The following ANK1 variants were observed in gnomAD, a reference collection of about 807,000 sequenced individuals.
The protein encoded by ANK1 is ankyrin 1, also known as ankyrin-1.
In ANK1, 51 loss-of-function variants were observed where a neutral mutation model predicts 210.4. That is an observed-to-expected ratio of 0.24 (90% CI 0.19 to 0.31). The LOEUF is 0.31. Among genes scored for constraint, ANK1 ranks in the 10% least tolerant of loss-of-function variants. The probability of loss-of-function intolerance (pLI) is 1.00; values close to 1 mark genes in which losing one functional copy is unlikely to be tolerated. For missense variants in ANK1, 2,051 were observed against 2,504.4 expected, an observed-to-expected ratio of 0.82 and a Z score of 3.86; for synonymous variants, 967 against 1,025.9, an observed-to-expected ratio of 0.94 and a Z score of 1.10.
At chr8:41,801,667 A>G (rs1345346757), upstream of ANK1, among the ~76,000 whole-genome samples, 1 of 152,142 alleles carries the variant, frequency 6.6e-6, no homozygotes, top group African/African-American at 2.4e-5. Context: ...TTCCTCTTCT[A>G]TGAAATTACT....
rs1348683618 is a variant in ANK1, at chr8:41,694,880, C to T, written c.3116-77G>A. ...GGACTTCCAGGGGCCCCAGAGTCTCCTTGTCCCCAAGACCCAGTGCACACA... is the reference window on the plus strand; with the variant it reads ...GGACTTCCAGGGGCCCCAGAGTCTCTTTGTCCCCAAGACCCAGTGCACACA... On this transcript the variant is annotated intron_variant, in intron 27 of 42. Transcript: ENST00000289734. This position sits in a 1 kb window ranked among gnomAD's most constrained non-coding sequence, Gnocchi z 5.7. 2.8e-5 allele frequency: 41 copies of T among 1,473,458 alleles called. No homozygotes were observed. The highest frequency in any genetic ancestry group is 2.5e-4 in the East Asian group (11 of 43,392). The allele number at this position is 1,473,458 out of a possible 1,614,324, so 91.3% of individuals were successfully genotyped here. A position where few individuals can be genotyped will look rare whatever the true frequency, so the allele number is the denominator to read the frequency against.
chr8:41,673,573 GGGGA>G (rs1813190733), intron 37 of ANK1, among the ~76,000 whole-genome samples: 1 of 152,194 alleles, frequency 6.6e-6, no homozygotes, highest in African/African-American at 2.4e-5. Context: ...AAGTGCTACA[GGGGA>G]GGGCTCTTAG....
At chr8:41,861,443 C>A (rs892578635) in intron 1 of ANK1, among the ~76,000 whole-genome samples, 3 of 152,348 alleles carry the variant, frequency 2.0e-5, no homozygotes, top group African/African-American at 7.2e-5. Context: ...GTGAAATTAA[C>A]GCACAGCTTG....
Position 41,717,664 on chromosome 8 carries a change from C to A in ANK1, c.1245G>T (p.Gly415=), listed in dbSNP as rs1329288100. The change falls in exon 12 of 43, where the codon GGG becomes GGT. Residue 415 remains glycine, a synonymous_variant. Transcript: ENST00000289734. The stretch of plus-strand genomic sequence containing the variant: ...GGAGGTTCTTCACGATGGGAAGGTG[C>A]CCCATGAAGGAGGCCACGTGGAGAG... ...LTPLHVASFM[G]HLPIVKNLLQ... 6.4e-7 allele frequency: 1 copy of A among 1,551,688 alleles called. No individual in the cohort carries two copies. Among genetic ancestry groups the A allele is most frequent in the Non-Finnish European group, 8.7e-7 (1 of 1,146,994 alleles).
chr8:41,719,434 G>A (rs1828652382), intron 10 of ANK1, among the ~76,000 whole-genome samples: 1 of 152,194 alleles, frequency 6.6e-6, no homozygotes, highest in Non-Finnish European at 1.5e-5. Flanking sequence ...CCTCGGCCTG[G>A]TCACCGGGGC....
At chr8:41,833,684 C>T (rs1190776586) in intron 1 of ANK1, among the ~76,000 whole-genome samples, 1 of 152,184 alleles carries the variant, frequency 6.6e-6, no homozygotes, top group Non-Finnish European at 1.5e-5. Context: ...ATCCATTCAT[C>T]AGTGAACAGG....
chr8:41,863,721 C>A (rs1276380580), intron 1 of ANK1, among the ~76,000 whole-genome samples: 1 of 152,216 alleles, frequency 6.6e-6, no homozygotes, highest in African/African-American at 2.4e-5. Flanking sequence ...GAGGGAGAAA[C>A]TGAGGCCGAG....
At chr8:41,878,341 C>T (rs927936483) in intron 1 of ANK1, among the ~76,000 whole-genome samples, 4 of 152,174 alleles carry the variant, frequency 2.6e-5, no homozygotes, top group Admixed American at 2.0e-4. Context: ...ATATATGGAT[C>T]ATCCCCTGCC....
At chr8:41,689,296 A>AT (rs35806325) in intron 33 of ANK1, among the ~76,000 whole-genome samples, 77,728 of 144,188 alleles carry the variant, frequency 0.54, 21,542 homozygotes, top group Middle Eastern at 0.63. Flanking sequence ...CTAATTTTTC[A>AT]TTTTTTTTTT....
At position 41,802,947 on chromosome 8, in the gene ANK1, AAG is replaced by A. The variant is rs1491143486; in HGVS notation, c.127-44812_127-44811del. On this transcript the variant is annotated intron_variant, in intron 1 of 42. Coordinates refer to the ANK1 transcript ENST00000265709. Reference sequence around the variant, plus strand: ...AAAGAAAGAGAGAAAGGGAGAGAGAAAGGGGGGGGGGGAGAGAGAGAGAGATG... The same window carrying A: ...AAAGAAAGAGAGAAAGGGAGAGAGAAGGGGGGGGGGAGAGAGAGAGAGATG... 1.6e-4 allele frequency among the ~76,000 whole-genome samples: 5 copies of A among 30,960 alleles called. 1 individual carries two copies. The highest frequency in any genetic ancestry group is 2.7e-4 in the Admixed American group (1 of 3,668). 20.3% of individuals were successfully genotyped at this position (30,960 alleles called of 152,430 possible). A position where few individuals can be genotyped will look rare whatever the true frequency, so the allele number is the denominator to read the frequency against.
intron 1 of ANK1, among the ~76,000 whole-genome samples, chr8:41,851,580 G>C (rs73626631): frequency 6.6e-6 from 1 of 152,210 alleles, no homozygotes; most frequent in African/African-American, 2.4e-5. Flanking sequence ...GGCTGGGTGC[G>C]TGGCTCACAC....
chr8:41,672,439 A>G lies in ANK1; in HGVS notation c.5011T>C (p.Ser1671Pro), dbSNP rs760779206. 6.2e-7 allele frequency: 1 copy of G among 1,614,108 alleles called. No homozygotes were observed. Among genetic ancestry groups the G allele is most frequent in the Non-Finnish European group, 8.5e-7 (1 of 1,180,010 alleles). Residue 1671 changes from serine to proline, a missense_variant, in exon 38 of 43, where the codon TCT becomes CCT. Ser to Pro is a moderately conservative substitution (Grantham distance 74). Coordinates refer to ENST00000289734, the MANE Select transcript of ANK1 (RefSeq NM_000037.4). ...CCCCTCTGATGGCCTGAAACAAGAGACACTTCATTCTCTGAGTCCTGCCCT... is the reference window on the plus strand; with the variant it reads ...CCCCTCTGATGGCCTGAAACAAGAGGCACTTCATTCTCTGAGTCCTGCCCT... Reference protein sequence around the residue: ...GAGQDSENEVSLVSGHQRGQA... With the variant: ...GAGQDSENEVPLVSGHQRGQA...
chr8:41,719,277 TC>T (rs1052913122), intron 10 of ANK1, among the ~76,000 whole-genome samples: 1 of 152,074 alleles, frequency 6.6e-6, no homozygotes, highest in African/African-American at 2.4e-5. Context: ...ATCTCATTCA[TC>T]CCCAAAGCAG....
At chr8:41,656,087 GC>G (rs1299629963) in intron 42 of ANK1, among the ~76,000 whole-genome samples, 1 of 152,224 alleles carries the variant, frequency 6.6e-6, no homozygotes, top group African/African-American at 2.4e-5. Flanking sequence ...AGGGGCAGAG[GC>G]CCCCGTGCCT....
At chr8:41,735,399 T>G (rs1286986004) in intron 2 of ANK1, among the ~76,000 whole-genome samples, 1 of 152,182 alleles carries the variant, frequency 6.6e-6, no homozygotes, top group African/African-American at 2.4e-5. Flanking sequence ...GCCAGCAATT[T>G]TCCCCTCCTG....
chr8:41,706,187 C>T lies in ANK1; in HGVS notation c.2053G>A (p.Asp685Asn). Residue 685 changes from aspartate (D) to asparagine (N), a missense_variant, in exon 18 of 43, where the codon GAT becomes AAT. By Grantham distance (23) the Asp-to-Asn change is conservative. Around this residue, in one of 6 missense-constraint regions of ANK1, gnomAD observed 1,413 missense variants for 1,707.4 expected, o/e 0.83. Transcript: ENST00000289734. ...VAQEGHVPVADVLIKHGVMVD... is the reference protein window; with the variant it reads ...VAQEGHVPVANVLIKHGVMVD... Reference sequence around the variant, plus strand: ...ATGACGCCGTGTTTGATCAGCACATCTGCCACTGGAACGTGGCCTTCTTGT... The same window carrying T: ...ATGACGCCGTGTTTGATCAGCACATTTGCCACTGGAACGTGGCCTTCTTGT... The T allele has an allele frequency of 1.9e-6, 3 of 1,614,140 alleles. No individual in the cohort carries two copies. Among genetic ancestry groups the T allele is most frequent in the Non-Finnish European group, 2.5e-6 (3 of 1,179,972 alleles).
chr8:41,808,218 A>AT, intron 1 of ANK1, among the ~76,000 whole-genome samples: 1 of 152,268 alleles, frequency 6.6e-6, no homozygotes, highest in Middle Eastern at 3.4e-3. Flanking sequence ...CCACCATGCA[A>AT]TTTCTGATCA....
At chr8:41,669,393 C>G (rs1338974914) in intron 38 of ANK1, among the ~76,000 whole-genome samples, 1 of 152,044 alleles carries the variant, frequency 6.6e-6, no homozygotes, top group African/African-American at 2.4e-5. Context: ...CACTCCTGGG[C>G]TCAGGCGATC....
At chr8:41,750,855 C>T (rs577646391) in intron 2 of ANK1, among the ~76,000 whole-genome samples, 14 of 152,332 alleles carry the variant, frequency 9.2e-5, no homozygotes, top group African/African-American at 3.1e-4. Context: ...AAAGCTTCTC[C>T]TTTTCATGGA....
Sources: gnomAD v4.1 joint callset for allele counts (sites outside exome capture counted in the v4.1 genomes callset) on GRCh38, gnomAD v4.1.1 for gene constraint, gnomAD v4.1.1 regional missense constraint, Gnocchi (gnomAD v3.1) non-coding constraint, MANE v1.5 for transcripts, NCBI Gene and HGNC (gene_info 2026-07-23, HGNC 2026-07-21) for gene names.